Variants in MZT2A observed in about 807,000 individuals in gnomAD.
The protein encoded by MZT2A is mitotic-spindle organizing protein 2A.
Under a neutral mutation model 12.4 loss-of-function variants are expected in MZT2A, and 8 were observed. That is an observed-to-expected ratio of 0.64 (90% CI 0.38 to 1.16). The LOEUF (loss-of-function observed/expected upper bound fraction) is 1.16, where lower values mean the gene tolerates loss of function less well. Among genes scored for constraint, MZT2A ranks in the 50% most tolerant of loss-of-function variants. MZT2A has a pLI of 0.01. For missense variants in MZT2A, 181 were observed against 223.6 expected (o/e 0.81, Z 1.22); for synonymous variants, 88 against 107.5 (o/e 0.82, Z 1.12).
chr2:131,471,244 C>G (rs2105262700), intron 3 of MZT2A, among the ~76,000 whole-genome samples: 1 of 140,616 alleles, frequency 7.1e-6, no homozygotes, highest in South Asian at 2.1e-4. Flanking sequence ...CACTCCCAGA[C>G]AAGTCATGCA....
chr2:131,481,915 C>G (rs1466353137), downstream of MZT2A, among the ~76,000 whole-genome samples: 1 of 152,220 alleles, frequency 6.6e-6, no homozygotes, highest in African/African-American at 2.4e-5. Flanking sequence ...TCTAGTTGAC[C>G]CTGTGCACTG....
intron 3 of MZT2A, among the ~76,000 whole-genome samples, chr2:131,470,739 A>T (rs1704965535): frequency 7.1e-6 from 1 of 141,830 alleles, no homozygotes; most frequent in East Asian, 1.9e-4. Context: ...AGAAAAAAAT[A>T]CATAGACAAA....
At chr2:131,487,827 T>C (rs1263981251) in intron 2 of MZT2A, among the ~76,000 whole-genome samples, 2 of 152,224 alleles carry the variant, frequency 1.3e-5, no homozygotes, top group East Asian at 3.8e-4. Flanking sequence ...AGTGCAGTGG[T>C]GCAGTCACAG....
chr2:131,485,067 G>A (rs895179103), intron 2 of MZT2A, among the ~76,000 whole-genome samples: 20 of 152,194 alleles, frequency 1.3e-4, no homozygotes, highest in African/African-American at 3.9e-4. Context: ...AAACGTGCCC[G>A]GGTAGCAGGC....
chr2:131,488,697 A>T (rs1679158049), intron 2 of MZT2A, among the ~76,000 whole-genome samples: 1 of 152,020 alleles, frequency 6.6e-6, no homozygotes, highest in Non-Finnish European at 1.5e-5. Flanking sequence ...CCTCTCACTC[A>T]GCAGCACACG....
chr2:131,472,979 T>C (rs1336856155), intron 2 of MZT2A, among the ~76,000 whole-genome samples: 1 of 151,248 alleles, frequency 6.6e-6, no homozygotes, highest in Admixed American at 6.6e-5. Context: ...GGACAGGGCC[T>C]ATAAGGAGAT....
chr2:131,480,906 A>ATT (rs201314369), downstream of MZT2A, among the ~76,000 whole-genome samples: 4 of 150,304 alleles, frequency 2.7e-5, no homozygotes, highest in African/African-American at 9.9e-5. Flanking sequence ...TGATTCAGTG[A>ATT]TTTCTTTTTT....
upstream of MZT2A, chr2:131,493,117 C>G (rs1679418770): frequency 3.4e-6 from 5 of 1,486,122 alleles, no homozygotes; most frequent in Non-Finnish European, 4.5e-6. Flanking sequence ...ACCTCTGAAG[C>G]GGGCGACGCT....
intron 2 of MZT2A, chr2:131,486,456 C>G (rs7592720): frequency 6.4e-6 from 1 of 156,086 alleles, no homozygotes; most frequent in Non-Finnish European, 1.5e-5. Flanking sequence ...CCCCACAGCA[C>G]GCAGCATGGC....
chr2:131,491,789 A>G, intron 2 of MZT2A, 87 bp downstream of exon 2: 3 of 1,423,054 alleles, frequency 2.1e-6, no homozygotes, highest in East Asian at 2.5e-5. Flanking sequence ...CTGGCCACTC[A>G]GGGCCACGCC....
At chr2:131,492,508 G>T (rs571207770), upstream of MZT2A, 1,371 of 1,113,192 alleles carry the variant, frequency 1.2e-3, 14 homozygotes, top group African/African-American at 0.021. Context: ...GCGCGGGGAC[G>T]GGGCCGCCTC....
At chr2:131,484,291 C>T in intron 2 of MZT2A, 73 bp from the exon 3 acceptor site, 1 of 1,575,008 alleles carries the variant, frequency 6.3e-7, no homozygotes, top group South Asian at 1.2e-5. Context: ...TACTCGTGCT[C>T]CTTGGGCAAC....
At chr2:131,482,524 G>T (rs1314698256), downstream of MZT2A, 14 of 1,584,768 alleles carry the variant, frequency 8.8e-6, no homozygotes, top group Non-Finnish European at 1.2e-5. Flanking sequence ...TAAGCTTCAT[G>T]GACTGCTTTC....
rs780414369 is a variant in MZT2A at position 131,478,259 on chromosome 2, T to C, written c.279-6077A>G. The C allele has an allele frequency of 3.7e-6, 6 of 1,614,076 alleles. No individual in the cohort carries two copies. The South Asian group carries it at 4.4e-5, about 12-fold the overall frequency. On this transcript the variant is annotated intron_variant and NMD_transcript_variant, in intron 2 of 4. Transcript: ENST00000427024. Reference sequence around the variant, plus strand: ...GCCTTGAACATGGAATTCAGCCCGATGGCCAAATGCCAAGTGATAAAACCA... The same window carrying C: ...GCCTTGAACATGGAATTCAGCCCGACGGCCAAATGCCAAGTGATAAAACCA...
upstream of MZT2A, among the ~76,000 whole-genome samples, chr2:131,493,558 A>G (rs1284950198): frequency 6.6e-6 from 1 of 152,170 alleles, no homozygotes; most frequent in Non-Finnish European, 1.5e-5. Flanking sequence ...CCGAAGCCCA[A>G]TTCGCAGGAG....
intron 2 of MZT2A, among the ~76,000 whole-genome samples, chr2:131,476,589 G>A (rs1311060115): frequency 1.3e-5 from 2 of 152,204 alleles, no homozygotes; most frequent in Non-Finnish European, 2.9e-5. Flanking sequence ...ACATTGATCA[G>A]ATGAGGAATT....
At chr2:131,490,776 G>A (rs1320131484) in intron 2 of MZT2A, 22 of 1,549,806 alleles carry the variant, frequency 1.4e-5, no homozygotes, top group Non-Finnish European at 1.7e-5. Flanking sequence ...GGAGAGAGAG[G>A]TGAGTGTGTG....
rs557578960 is a variant in MZT2A at position 131,478,562 on chromosome 2, G to C, written c.279-6380C>G. Among the ~76,000 whole-genome samples the C allele has an allele frequency of 1.4e-4, 22 of 152,326 alleles. 1 individual carries two copies. Among genetic ancestry groups the C allele is most frequent in the African/African-American group, 5.1e-4 (21 of 41,568 alleles). On this transcript the variant is annotated intron_variant and NMD_transcript_variant, in intron 2 of 4. Coordinates refer to the MZT2A transcript ENST00000427024. ...CGTGATCAAAGTGTCTGTGAGACTCGGCTCCTAATTTAGGAAAACCTGACC... is the reference window on the plus strand; with the variant it reads ...CGTGATCAAAGTGTCTGTGAGACTCCGCTCCTAATTTAGGAAAACCTGACC...
At chr2:131,493,285 G>A, upstream of MZT2A, 1 of 1,329,116 alleles carries the variant, frequency 7.5e-7, no homozygotes, top group Non-Finnish European at 9.6e-7. Context: ...GCTGGGGAGT[G>A]GAGGGCCCCG....
Sources: allele counts gnomAD v4.1 joint callset (sites outside exome capture counted in the v4.1 genomes callset), GRCh38; gene constraint gnomAD v4.1.1; transcripts MANE v1.5; gene names NCBI Gene and HGNC (gene_info 2026-07-23, HGNC 2026-07-21).